USP5: variants seen among roughly 807,000 people sequenced by gnomAD.
The protein encoded by USP5 is ubiquitin specific peptidase 5, also known as ubiquitin carboxyl-terminal hydrolase 5.
USP5 carries 24 observed loss-of-function variants against 102.5 expected under a neutral mutation model. That is an observed-to-expected ratio of 0.23 (90% confidence interval 0.17 to 0.33). The LOEUF (loss-of-function observed/expected upper bound fraction) is 0.33, where lower values mean the gene tolerates loss of function less well. USP5 is among the 10% of genes least tolerant of loss of function. The probability of loss-of-function intolerance (pLI) is 1.00; values close to 1 mark genes in which losing one functional copy is unlikely to be tolerated. For missense variants in USP5, 753 were observed against 1,122.1 expected (o/e 0.67, Z 4.70); for synonymous variants, 460 against 434.8 (o/e 1.06, Z -0.72).
intron 9 of USP5, among the ~76,000 whole-genome samples, chr12:6,859,906 C>T (rs112218165): frequency 0.023 from 3,506 of 152,300 alleles, 48 homozygotes; most frequent in Non-Finnish European, 0.037. Context: ...CTGCCCACCT[C>T]GGCCTCCCAA....
At position 6,861,838 on chromosome 12, in the gene USP5, T is replaced by G. The variant is rs1015410452; in HGVS notation, c.1673+221T>G. Among the ~76,000 whole-genome samples the G allele has an allele frequency of 5.3e-5, 8 of 152,224 alleles. No individual in the cohort carries two copies. Among genetic ancestry groups the G allele is most frequent in the Admixed American group, 5.2e-4 (8 of 15,282 alleles). On this transcript the variant is annotated intron_variant, in intron 13 of 19. Transcript: ENST00000229268. This position sits in a 1 kb window ranked among gnomAD's most constrained non-coding sequence, Gnocchi z 4.9. ...CTTGTCCTGCCCCAACCACTCCCTCTTCTGTGGCACAGGGTCTCTTTGTAG... is the reference window on the plus strand; with the variant it reads ...CTTGTCCTGCCCCAACCACTCCCTCGTCTGTGGCACAGGGTCTCTTTGTAG...
Position 6,864,505 on chromosome 12 carries a change from C to T in USP5, c.2245-217C>T, listed in dbSNP as rs1001038290. Among the ~76,000 whole-genome samples the T allele has an allele frequency of 4.6e-5, 7 of 152,162 alleles. No individual in the cohort carries two copies. Among genetic ancestry groups the T allele is most frequent in the South Asian group, 2.1e-4 (1 of 4,826 alleles). ...CAGATCAAGACCATCCTGGCTAACA[C>T]GGTGAAACCCCGTCTCTACGAAAAA... On this transcript the variant is annotated intron_variant, in intron 17 of 19. Coordinates refer to ENST00000229268, the MANE Select transcript of USP5 (RefSeq NM_001098536.2). The surrounding 1 kb of genome is among the most constrained non-coding windows in gnomAD (Gnocchi z 4.8).
In USP5 at chr12:6,865,989, T is replaced by C; in HGVS notation, c.2489T>C (p.Val830Ala). The C allele has an allele frequency of 1.2e-6, 2 of 1,613,930 alleles. No individual in the cohort carries two copies. The highest frequency in any genetic ancestry group is 1.7e-6 in the Non-Finnish European group (2 of 1,179,922). Residue 830 changes from valine (V) to alanine (A), a missense_variant, in exon 20 of 20, where the codon GTG becomes GCG. Physicochemically the swap from Val to Ala is moderately conservative, Grantham distance 64. This residue lies in a region of USP5 where 33 missense variants were observed against 75.3 expected (regional missense o/e 0.44). Coordinates refer to ENST00000229268, the MANE Select transcript of USP5 (RefSeq NM_001098536.2). ...VCHIKKEGRW[V>A]IYNDQKVCAS... ...TGTTTTCCCCACTTCCCCAGATGGG[T>C]GATCTACAATGACCAGAAAGTGTGT...
chr12:6,864,153 G>A lies in USP5; in HGVS notation c.2202G>A (p.Met734Ile). 1 of 1,613,744 alleles carries A rather than the reference G, an allele frequency of 6.2e-7. No homozygotes were observed. The highest frequency in any genetic ancestry group is 8.5e-7 in the Non-Finnish European group (1 of 1,179,780). ...ACTGTGTGACCACCATTGTCTCCAT[G>A]GGCTTCTCCCGGGACCAGGCCTTGA... is the stretch of plus-strand genomic sequence containing the variant. The part of the protein sequence containing the change: ...PEDCVTTIVS[M>I]GFSRDQALKA... Residue 734 changes from methionine (M) to isoleucine (I), a missense_variant, in exon 17 of 20, where the codon ATG (methionine) becomes ATA (isoleucine). Transcript: ENST00000229268. The surrounding 1 kb of genome is among the most constrained non-coding windows in gnomAD (Gnocchi z 4.8).
rs1944341462 is a variant in USP5 at position 6,863,700 on chromosome 12, A to G, written c.1955-130A>G. ...ATTGTGTGGTCATTTTGGTTTTGGGATAAGGTGCCAATCCATGGGAGAAAA... is the reference window on the plus strand; with the variant it reads ...ATTGTGTGGTCATTTTGGTTTTGGGGTAAGGTGCCAATCCATGGGAGAAAA... On this transcript the variant is annotated intron_variant, in intron 15 of 19. Transcript: ENST00000229268. The surrounding 1 kb of genome is among the most constrained non-coding windows in gnomAD (Gnocchi z 4.7). 5 of 1,339,756 alleles carry G rather than the reference A, an allele frequency of 3.7e-6. No individual in the cohort carries two copies. The East Asian group carries it at 1.2e-4, about 33-fold the overall frequency. 83.0% of individuals were successfully genotyped at this position (1,339,756 alleles called of 1,614,324 possible). A position where few individuals can be genotyped will look rare whatever the true frequency, so the allele number is the denominator to read the frequency against.
chr12:6,863,891 C>A lies in USP5; in HGVS notation c.2016C>A (p.Ala672=). The change falls in exon 16 of 20, where the codon GCC becomes GCA. Residue 672 remains alanine (A), a synonymous_variant. Coordinates refer to ENST00000229268, the MANE Select transcript of USP5 (RefSeq NM_001098536.2). The surrounding 1 kb of genome is among the most constrained non-coding windows in gnomAD (Gnocchi z 4.7). ...QLVEMGFPMD[A]CRKAVYYTGN... Reference sequence around the variant, plus strand: ...TGGAGATGGGATTCCCTATGGACGCCTGCCGCAAAGCTGTCTACTACACGG... The same window carrying A: ...TGGAGATGGGATTCCCTATGGACGCATGCCGCAAAGCTGTCTACTACACGG... The A allele has an allele frequency of 6.2e-7, 1 of 1,612,432 alleles. No individual in the cohort carries two copies. Among genetic ancestry groups the A allele is most frequent in the Admixed American group, 1.7e-5 (1 of 59,790 alleles).
intron 6 of USP5, chr12:6,857,293 A>G (rs1220263822): frequency 6.2e-6 from 2 of 322,324 alleles, no homozygotes; most frequent in Non-Finnish European, 1.2e-5. Flanking sequence ...CCCTGTCTCA[A>G]AAAAGGAAAA....
In USP5 at chr12:6,861,323, G is replaced by T; in HGVS notation, c.1499-120G>T. On this transcript the variant is annotated intron_variant, in intron 12 of 19. Transcript: ENST00000229268. This position sits in a 1 kb window ranked among gnomAD's most constrained non-coding sequence, Gnocchi z 4.9. ...AACAGGCGAGATATATTGGACATGT[G>T]TCAGGGGTGCTTTGGAAGGGTAGAG... 7.5e-7 allele frequency: 1 copy of T among 1,332,788 alleles called. No homozygotes were observed. Among genetic ancestry groups the T allele is most frequent in the Non-Finnish European group, 1.0e-6 (1 of 976,198 alleles). 82.6% of individuals were successfully genotyped at this position (1,332,788 alleles called of 1,614,324 possible).
Position 6,860,907 on chromosome 12 carries a change from T to G in USP5, c.1345-46T>G. 9 of 1,610,156 alleles carry G rather than the reference T, an allele frequency of 5.6e-6. No individual in the cohort carries two copies. The highest frequency in any genetic ancestry group is 7.6e-6 in the Non-Finnish European group (9 of 1,177,666). ...CCCATGAACCTTTCAGGCCCCATTC[T>G]GTTCCCTGGCTGCCCAGACCTCCCT... On this transcript the variant is annotated intron_variant, in intron 11 of 19. Transcript: ENST00000229268. The surrounding 1 kb of genome is among the most constrained non-coding windows in gnomAD (Gnocchi z 5.5).
chr12:6,856,767 C>A lies in USP5; in HGVS notation c.645C>A (p.Gly215=), dbSNP rs1043752242. 5 of 1,614,110 alleles carry A rather than the reference C, an allele frequency of 3.1e-6. No homozygotes were observed. The highest frequency in any genetic ancestry group is 4.2e-6 in the Non-Finnish European group (5 of 1,180,028). ...ACCTGTGGCTCAACCTGACTGATGG[C>A]TCCATCCTCTGTGGGCGACGCTACT... ...RENLWLNLTD[G]SILCGRRYFD... The change falls in exon 6 of 20, where the codon GGC becomes GGA. Residue 215 remains glycine (G), a synonymous_variant. Coordinates refer to ENST00000229268, the MANE Select transcript of USP5 (RefSeq NM_001098536.2). This position sits in a 1 kb window ranked among gnomAD's most constrained non-coding sequence, Gnocchi z 5.6.
rs930882383 is a variant in USP5 at position 6,855,971 on chromosome 12, C to G, written c.305-46C>G. On this transcript the variant is annotated intron_variant, in intron 3 of 19. Transcript: ENST00000229268. The surrounding 1 kb of genome is among the most constrained non-coding windows in gnomAD (Gnocchi z 4.6). ...TGCTGGCTCGGAGGAGGGACATTGA[C>G]CTGTTGTCATTGCTCTACTCTCCCT... The G allele has an allele frequency of 1.2e-6, 2 of 1,612,042 alleles. No homozygotes were observed. The highest frequency in any genetic ancestry group is 1.7e-6 in the Non-Finnish European group (2 of 1,178,474).
Position 6,855,664 on chromosome 12 carries a change from G to T in USP5, c.238-91G>T. On this transcript the variant is annotated intron_variant, in intron 2 of 19. Transcript: ENST00000229268. The surrounding 1 kb of genome is among the most constrained non-coding windows in gnomAD (Gnocchi z 4.6). ...ATGTTTTTTAGCTTTATTCCGTTCT[G>T]AGATGAAGCACTACCTCCTTCCGTC... is the stretch of plus-strand genomic sequence containing the variant. 1 of 1,598,132 alleles carries T rather than the reference G, an allele frequency of 6.3e-7. No individual in the cohort carries two copies.
At chr12:6,862,589 A>T in intron 14 of USP5, 31 bp downstream of exon 14, 1 of 1,591,432 alleles carries the variant, frequency 6.3e-7, no homozygotes, top group Middle Eastern at 1.7e-4. Flanking sequence ...GAGGTTACAC[A>T]GAAAATGCTA....
Position 6,857,752 on chromosome 12 carries a change from C to G in USP5, c.864+29C>G, listed in dbSNP as rs781962055. On this transcript the variant is annotated intron_variant, in intron 7 of 19. Transcript: ENST00000229268. Reference sequence around the variant, plus strand: ...AGACCCCCTTCAACTTCAGATTCTTCTACTTCCTGCCCCTGTGAGGGCCCT... The same window carrying G: ...AGACCCCCTTCAACTTCAGATTCTTGTACTTCCTGCCCCTGTGAGGGCCCT... 10 of 1,611,232 alleles carry G rather than the reference C, an allele frequency of 6.2e-6. No individual in the cohort carries two copies. The South Asian group carries it at 1.1e-4, about 18-fold the overall frequency.
At position 6,864,016 on chromosome 12, in the gene USP5, T is replaced by C; in HGVS notation, c.2099-34T>C. On this transcript the variant is annotated intron_variant, in intron 16 of 19. Coordinates refer to ENST00000229268, the MANE Select transcript of USP5 (RefSeq NM_001098536.2). The surrounding 1 kb of genome is among the most constrained non-coding windows in gnomAD (Gnocchi z 4.8). Reference sequence around the variant, plus strand: ...GCAGGGTGGGGCAGGGCCTCCATCCTCCCCCAAACACATCAACCCCTTCAC... The same window carrying C: ...GCAGGGTGGGGCAGGGCCTCCATCCCCCCCCAAACACATCAACCCCTTCAC... 1 of 1,578,396 alleles carries C rather than the reference T, an allele frequency of 6.3e-7. No individual in the cohort carries two copies.
chr12:6,859,380 C>T (rs781997530), intron 8 of USP5, 90 bp from the exon 9 acceptor site: 89 of 1,338,962 alleles, frequency 6.6e-5, no homozygotes, highest in Non-Finnish European at 8.4e-5. Context: ...GAGGGGAGCC[C>T]GTTCACAGAG....
chr12:6,862,335 G>A, intron 13 of USP5, 135 bp from the exon 14 acceptor site: 1 of 767,130 alleles, frequency 1.3e-6, no homozygotes, highest in Non-Finnish European at 2.3e-6. Flanking sequence ...CACCTGCCCA[G>A]GGGAAGAGAA....
Position 6,852,152 on chromosome 12 carries a change from CGT to C in USP5, c.-22_-21del. 1 of 1,594,812 alleles carries C rather than the reference CGT, an allele frequency of 6.3e-7. No individual in the cohort carries two copies. On this transcript the variant is annotated 5_prime_UTR_variant, in exon 1 of 20. Coordinates refer to ENST00000229268, the MANE Select transcript of USP5 (RefSeq NM_001098536.2). ...GGGGACTGGGAACGGTGGGAGCCGC[CGT>C]GTGTGGAGAAGCTGCTGCCGGTGTC...
In USP5 at chr12:6,863,982, G is replaced by C. The variant is rs1555130157; in HGVS notation, c.2098+9G>C. ...ACACATGGATGATCCAGGTAGGCTGGGGTGGGGAGCAGGGTGGGGCAGGGC... is the reference window on the plus strand; with the variant it reads ...ACACATGGATGATCCAGGTAGGCTGCGGTGGGGAGCAGGGTGGGGCAGGGC... On this transcript the variant is annotated intron_variant, in intron 16 of 19. Transcript: ENST00000229268. This position sits in a 1 kb window ranked among gnomAD's most constrained non-coding sequence, Gnocchi z 4.7. 6.3e-7 allele frequency: 1 copy of C among 1,586,998 alleles called. No homozygotes were observed. The highest frequency in any genetic ancestry group is 8.6e-7 in the Non-Finnish European group (1 of 1,161,844).
Sources: gnomAD v4.1 joint callset for allele counts (sites outside exome capture counted in the v4.1 genomes callset) on GRCh38, gnomAD v4.1.1 for gene constraint, gnomAD v4.1.1 regional missense constraint, Gnocchi (gnomAD v3.1) non-coding constraint, MANE v1.5 for transcripts, NCBI Gene and HGNC (gene_info 2026-07-23, HGNC 2026-07-21) for gene names.